The following TMEM135 variants were observed in gnomAD, a reference collection of about 807,000 sequenced individuals.
TMEM135 encodes the protein transmembrane protein 135, also known as peroxisomal membrane protein 52.
Under a neutral mutation model 60.3 loss-of-function variants are expected in TMEM135, and 30 were observed. That is an observed-to-expected ratio of 0.50 (90% CI 0.37 to 0.68). TMEM135 has a LOEUF of 0.68. TMEM135 is among the 30% of genes least tolerant of loss of function. The pLI, the probability that TMEM135 is intolerant of heterozygous loss-of-function variation, is 0.00. For missense variants in TMEM135, 468 were observed against 548.8 expected, an observed-to-expected ratio of 0.85 and a Z score of 1.47; for synonymous variants, 190 against 186.7, an observed-to-expected ratio of 1.02 and a Z score of -0.14.
intron 4 of TMEM135, among the ~76,000 whole-genome samples, chr11:87,118,718 A>G (rs1005805926): frequency 6.6e-6 from 1 of 152,180 alleles, no homozygotes; most frequent in Non-Finnish European, 1.5e-5. Flanking sequence ...CTGGGATTAC[A>G]GGCGTGAGCC....
At position 87,328,244 on chromosome 11, in the gene TMEM135, C is replaced by T. The variant is rs1186015088; in HGVS notation, c.*6911C>T. 1 of 454,006 alleles carries T rather than the reference C, an allele frequency of 2.2e-6. No individual in the cohort carries two copies. The highest frequency in any genetic ancestry group is 4.4e-6 in the Non-Finnish European group (1 of 226,764). 28.1% of individuals were successfully genotyped at this position (454,006 alleles called of 1,614,324 possible). A position where few individuals can be genotyped will look rare whatever the true frequency, so the allele number is the denominator to read the frequency against. On this transcript the variant is annotated 3_prime_UTR_variant, in exon 15 of 15. Coordinates refer to ENST00000305494, the MANE Select transcript of TMEM135 (RefSeq NM_022918.4). ...TCTCTTGATTTAGAATTCTCTTTTT[C>T]TCCACTCTTCTGTGTATGCTAAAAT...
At chr11:87,208,537 C>A (rs1940290455) in intron 5 of TMEM135, among the ~76,000 whole-genome samples, 1 of 152,152 alleles carries the variant, frequency 6.6e-6, no homozygotes, top group Non-Finnish European at 1.5e-5. Flanking sequence ...TAAAAAACAA[C>A]ACCTCTAAGA....
chr11:87,154,389 A>C (rs1165414142), intron 4 of TMEM135, among the ~76,000 whole-genome samples: 1 of 152,210 alleles, frequency 6.6e-6, no homozygotes, highest in Non-Finnish European at 1.5e-5. Flanking sequence ...ATTGATGGAC[A>C]CTTGGGTTGC....
intron 1 of TMEM135, among the ~76,000 whole-genome samples, chr11:87,066,275 C>T (rs184897519): frequency 4.3e-4 from 65 of 152,244 alleles, no homozygotes; most frequent in African/African-American, 1.5e-3. Context: ...TGGAGAAGTA[C>T]TCTTTTCTAC....
At chr11:87,249,654 C>T (rs1031030558) in intron 6 of TMEM135, among the ~76,000 whole-genome samples, 1 of 152,110 alleles carries the variant, frequency 6.6e-6, no homozygotes, top group Non-Finnish European at 1.5e-5. Context: ...CCTTGTATCC[C>T]TGGGATAAAT....
chr11:87,067,453 G>A (rs1856688480), intron 1 of TMEM135, among the ~76,000 whole-genome samples: 1 of 151,882 alleles, frequency 6.6e-6, no homozygotes, highest in African/African-American at 2.4e-5. Flanking sequence ...TTACCTCAAT[G>A]TATGGAGATT....
intron 1 of TMEM135, among the ~76,000 whole-genome samples, chr11:87,065,083 A>G (rs1373073597): frequency 1.5e-4 from 23 of 151,984 alleles, no homozygotes; most frequent in Non-Finnish European, 1.0e-4. Flanking sequence ...TTGTTAAACC[A>G]TTTACTTTTT....
intron 4 of TMEM135, among the ~76,000 whole-genome samples, chr11:87,143,520 C>G (rs757902073): frequency 2.0e-5 from 3 of 152,106 alleles, no homozygotes; most frequent in Non-Finnish European, 4.4e-5. Context: ...AACTTCAAGC[C>G]AGTAGGCTTT....
intron 5 of TMEM135, among the ~76,000 whole-genome samples, chr11:87,210,145 C>T (rs1437043174): frequency 6.6e-6 from 1 of 152,076 alleles, no homozygotes; most frequent in South Asian, 2.1e-4. Context: ...CCAAAGCTAG[C>T]AGAAGAAAAT....
At chr11:87,315,384 A>C (rs1942710941) in intron 12 of TMEM135, among the ~76,000 whole-genome samples, 1 of 151,944 alleles carries the variant, frequency 6.6e-6, no homozygotes, top group Non-Finnish European at 1.5e-5. Flanking sequence ...TAACAGCCAT[A>C]CTTCACATTT....
At chr11:87,195,828 A>G (rs1205205697) in intron 5 of TMEM135, among the ~76,000 whole-genome samples, 1 of 152,214 alleles carries the variant, frequency 6.6e-6, no homozygotes, top group Non-Finnish European at 1.5e-5. Flanking sequence ...ATTAATAATG[A>G]GTAAAATTTG....
intron 6 of TMEM135, among the ~76,000 whole-genome samples, chr11:87,287,861 T>C (rs940267394): frequency 7.9e-5 from 12 of 152,190 alleles, no homozygotes; most frequent in African/African-American, 2.7e-4. Context: ...ATTAGTAAAG[T>C]TGACTAGTTT....
chr11:87,250,743 C>G (rs923306393), intron 6 of TMEM135, among the ~76,000 whole-genome samples: 17 of 152,042 alleles, frequency 1.1e-4, no homozygotes, highest in Non-Finnish European at 2.5e-4. Flanking sequence ...AAGAACCTAG[C>G]CTAAATAAAT....
In TMEM135 at chr11:87,054,259, A is replaced by G. The variant is rs141366608; in HGVS notation, c.142-13435A>G. On this transcript the variant is annotated intron_variant, in intron 1 of 14. Coordinates refer to ENST00000305494, the MANE Select transcript of TMEM135 (RefSeq NM_022918.4). ...AGACCAGCCTGGCCAACATGGTGAA[A>G]CCCCATCTTCACTAAAAATACAAAA... Among the ~76,000 whole-genome samples the G allele has an allele frequency of 3.2e-3, 483 of 152,120 alleles. 2 individuals are homozygous for G. Among genetic ancestry groups the G allele is most frequent in the Non-Finnish European group, 5.7e-3 (386 of 67,996 alleles).
At chr11:87,163,736 GGTGTGAGATGGTATCTC>G (rs1938956757) in intron 5 of TMEM135, among the ~76,000 whole-genome samples, 1 of 147,670 alleles carries the variant, frequency 6.8e-6, no homozygotes, top group South Asian at 2.2e-4. Flanking sequence ...CATTCTAACT[GGTGTGAGATGGTATCTC>G]ACTGTGGTTT....
chr11:87,061,308 G>A (rs572583317), intron 1 of TMEM135, among the ~76,000 whole-genome samples: 1 of 152,068 alleles, frequency 6.6e-6, no homozygotes, highest in Admixed American at 6.6e-5. Context: ...TATCACAGCT[G>A]GGGGGATTCT....
intron 6 of TMEM135, among the ~76,000 whole-genome samples, chr11:87,254,665 A>C (rs1484323177): frequency 2.0e-5 from 3 of 152,206 alleles, no homozygotes; most frequent in East Asian, 1.9e-4. Flanking sequence ...ATTTATGATA[A>C]TATTTCTTTG....
At chr11:87,294,292 A>T (rs1269123891) in intron 6 of TMEM135, among the ~76,000 whole-genome samples, 1 of 152,206 alleles carries the variant, frequency 6.6e-6, no homozygotes, top group Non-Finnish European at 1.5e-5. Flanking sequence ...TATGATTTTG[A>T]TTAAAATAGA....
rs1404056488 is a variant in TMEM135 at position 87,323,417 on chromosome 11, T to C, written c.*2084T>C. ...TTGTTTGAGCAAACACAAAGAAACT[T>C]TGTGTTTTTGAAGACAATCAGAATG... On this transcript the variant is annotated 3_prime_UTR_variant, in exon 15 of 15. Coordinates refer to ENST00000305494, the MANE Select transcript of TMEM135 (RefSeq NM_022918.4). 1 of 453,962 alleles carries C rather than the reference T, an allele frequency of 2.2e-6. No individual in the cohort carries two copies. Among genetic ancestry groups the C allele is most frequent in the Non-Finnish European group, 4.4e-6 (1 of 226,716 alleles). 28.1% of individuals were successfully genotyped at this position (453,962 alleles called of 1,614,324 possible).
Sources: allele counts gnomAD v4.1 joint callset (sites outside exome capture counted in the v4.1 genomes callset), GRCh38; gene constraint gnomAD v4.1.1; transcripts MANE v1.5; gene names NCBI Gene and HGNC (gene_info 2026-07-23, HGNC 2026-07-21).